The following TRAF3 variants were observed in gnomAD, a reference collection of about 807,000 sequenced individuals.
TRAF3 encodes TNF receptor associated factor 3, also known as TNF receptor-associated factor 3.
Under a neutral mutation model 62.3 loss-of-function variants are expected in TRAF3, and 13 were observed. That is an observed-to-expected ratio of 0.21 (90% CI 0.14 to 0.33). The LOEUF is 0.33. Among genes scored for constraint, TRAF3 ranks in the 10% least tolerant of loss-of-function variants. The pLI is 1.00. For missense variants in TRAF3, 440 were observed against 741.8 expected, an observed-to-expected ratio of 0.59 and a Z score of 4.73; for synonymous variants, 269 against 283.4, an observed-to-expected ratio of 0.95 and a Z score of 0.51.
chr14:102,780,547 A>G (rs138172797), intron 1 of TRAF3, among the ~76,000 whole-genome samples: 2 of 149,018 alleles, frequency 1.3e-5, no homozygotes, highest in African/African-American at 2.5e-5. Flanking sequence ...GGTGAAGCTT[A>G]TTGTCGGCCT....
chr14:102,841,314 C>T (rs1184664940), intron 2 of TRAF3, among the ~76,000 whole-genome samples: 8 of 152,160 alleles, frequency 5.3e-5, no homozygotes, highest in South Asian at 2.1e-4. Context: ...CTGGTCTGCA[C>T]GTGGCCAAGA....
chr14:102,901,106 G>A (rs921110769), intron 10 of TRAF3, among the ~76,000 whole-genome samples: 7 of 152,154 alleles, frequency 4.6e-5, no homozygotes, highest in African/African-American at 1.4e-4. Context: ...TTATTTAGTC[G>A]TGCTGGTCTG....
chr14:102,777,511 C>T lies in TRAF3; in HGVS notation c.-321C>T, dbSNP rs1296214188. 6.9e-6 allele frequency: 1 copy of T among 144,022 alleles called. No individual in the cohort carries two copies. Among genetic ancestry groups the T allele is most frequent in the African/African-American group, 2.5e-5 (1 of 40,120 alleles). The allele number at this position is 144,022 out of a possible 1,614,324, so 8.9% of individuals were successfully genotyped here. On this transcript the variant is annotated 5_prime_UTR_variant, in exon 1 of 12. Transcript: ENST00000392745. ...CGGCGCGGCCGCCGCGTGCGCGAGC[C>T]GGGGTTGCAGCCCAGCCGGGACTTT... is the stretch of plus-strand genomic sequence containing the variant.
chr14:102,862,746 G>T (rs1887754277), intron 2 of TRAF3, among the ~76,000 whole-genome samples: 1 of 151,526 alleles, frequency 6.6e-6, no homozygotes, highest in East Asian at 1.9e-4. Flanking sequence ...TATGTATGTT[G>T]GTACAATTGA....
chr14:102,897,813 T>C (rs1310486083), intron 10 of TRAF3, among the ~76,000 whole-genome samples: 15 of 152,260 alleles, frequency 9.9e-5, no homozygotes, highest in Admixed American at 9.8e-4. Flanking sequence ...GTGTGAGCTT[T>C]CCAGTGACAC....
intron 2 of TRAF3, among the ~76,000 whole-genome samples, chr14:102,863,164 CTTGT>C (rs1887780232): frequency 6.6e-6 from 1 of 152,074 alleles, no homozygotes; most frequent in South Asian, 2.1e-4. Flanking sequence ...ACCATACTTT[CTTGT>C]TTCTTTGCAT....
intron 1 of TRAF3, among the ~76,000 whole-genome samples, chr14:102,823,145 G>A (rs992342417): frequency 3.0e-4 from 45 of 152,348 alleles, no homozygotes; most frequent in African/African-American, 1.1e-3. Context: ...ATGGCAGTGG[G>A]TGGGAATGAG....
intron 1 of TRAF3, among the ~76,000 whole-genome samples, chr14:102,799,602 C>T (rs575777319): frequency 6.6e-6 from 1 of 152,264 alleles, no homozygotes; most frequent in South Asian, 2.1e-4. Flanking sequence ...AGGCACATGC[C>T]ACCATACCTG....
intron 1 of TRAF3, among the ~76,000 whole-genome samples, chr14:102,801,505 C>T (rs1299012151): frequency 6.6e-6 from 1 of 151,932 alleles, no homozygotes; most frequent in East Asian, 1.9e-4. Context: ...AAACTCTTGG[C>T]AGTTAGCAGG....
chr14:102,858,676 G>T (rs1158280801), intron 2 of TRAF3, among the ~76,000 whole-genome samples: 6 of 152,118 alleles, frequency 3.9e-5, no homozygotes, highest in Non-Finnish European at 5.9e-5. Flanking sequence ...CATAATAATT[G>T]TAATTATTAG....
In TRAF3 at chr14:102,903,055, C is replaced by T. The variant is rs112422674; in HGVS notation, c.961-200C>T. 4.0e-5 allele frequency: 28 copies of T among 705,832 alleles called. No homozygotes were observed. The highest frequency in any genetic ancestry group is 1.4e-4 in the South Asian group (9 of 65,550). 43.7% of individuals were successfully genotyped at this position (705,832 alleles called of 1,614,324 possible). The stretch of plus-strand genomic sequence containing the variant: ...TCATGTCACCTCGAGTGCTCCCTGC[C>T]GGCACAAGCACTTGATCCCAGGGAG... On this transcript the variant is annotated intron_variant, in intron 10 of 11. Coordinates refer to ENST00000392745, the MANE Select transcript of TRAF3 (RefSeq NM_145725.3). The surrounding 1 kb of genome is among the most constrained non-coding windows in gnomAD (Gnocchi z 6.4).
At chr14:102,843,512 A>AT (rs1886506647) in intron 2 of TRAF3, among the ~76,000 whole-genome samples, 1 of 151,806 alleles carries the variant, frequency 6.6e-6, no homozygotes, top group South Asian at 2.1e-4. Flanking sequence ...TAATTTTTGT[A>AT]TTTTTTGTAG....
chr14:102,780,260 C>G (rs1360289836), intron 1 of TRAF3, among the ~76,000 whole-genome samples: 1 of 151,958 alleles, frequency 6.6e-6, no homozygotes, highest in Non-Finnish European at 1.5e-5. Context: ...GTTTGCACCA[C>G]CGCAGCAGGC....
chr14:102,821,665 G>C (rs527395923), intron 1 of TRAF3, among the ~76,000 whole-genome samples: 14 of 152,340 alleles, frequency 9.2e-5, no homozygotes, highest in African/African-American at 3.1e-4. Context: ...TAGTGTGTGT[G>C]TATCAGTGGA....
intron 2 of TRAF3, among the ~76,000 whole-genome samples, chr14:102,839,396 T>G (rs1886239188): frequency 6.6e-6 from 1 of 152,098 alleles, no homozygotes; most frequent in African/African-American, 2.4e-5. Context: ...TTTTTTGTAT[T>G]TTTAGTAGAG....
chr14:102,815,412 G>GTGC (rs1382631028), intron 1 of TRAF3, among the ~76,000 whole-genome samples: 1 of 152,098 alleles, frequency 6.6e-6, no homozygotes, highest in Admixed American at 6.6e-5. Flanking sequence ...CTGGAGTGCA[G>GTGC]TGCTTATCCA....
At chr14:102,802,672 C>CA (rs1898514142) in intron 1 of TRAF3, among the ~76,000 whole-genome samples, 1 of 150,984 alleles carries the variant, frequency 6.6e-6, no homozygotes, top group African/African-American at 2.4e-5. Context: ...ACTAAAAATA[C>CA]AAAAAAATTA....
At chr14:102,785,618 G>C (rs977615305) in intron 1 of TRAF3, among the ~76,000 whole-genome samples, 1 of 152,216 alleles carries the variant, frequency 6.6e-6, no homozygotes, top group African/African-American at 2.4e-5. Context: ...CAGATTGCCT[G>C]TGGAAATATG....
chr14:102,871,542 C>G (rs1888343797), intron 3 of TRAF3, among the ~76,000 whole-genome samples: 1 of 152,050 alleles, frequency 6.6e-6, no homozygotes. Context: ...GAAGGGCTGG[C>G]TGCTTTTACA....
Sources: allele counts gnomAD v4.1 joint callset (sites outside exome capture counted in the v4.1 genomes callset), GRCh38; gene constraint gnomAD v4.1.1; non-coding constraint Gnocchi (gnomAD v3.1); transcripts MANE v1.5; gene names NCBI Gene and HGNC (gene_info 2026-07-23, HGNC 2026-07-21).